Variants in CNTN5 observed in about 807,000 individuals in gnomAD.
The protein encoded by CNTN5 is contactin 5.
In CNTN5, 77 loss-of-function variants were observed where a neutral mutation model predicts 129.1. The observed-to-expected ratio is 0.60, with a 90% CI of 0.50 to 0.72. The LOEUF is 0.72. Among genes scored for constraint, CNTN5 ranks in the 30% least tolerant of loss-of-function variants. The pLI, the probability that CNTN5 is intolerant of heterozygous loss-of-function variation, is 0.00. For missense variants in CNTN5, 1,478 were observed against 1,328.8 expected (o/e 1.11, Z -1.75); for synonymous variants, 509 against 465.6 (o/e 1.09, Z -1.20).
chr11:99,085,261 GT>G (rs5793968), intron 1 of CNTN5, among the ~76,000 whole-genome samples: 30,405 of 151,782 alleles, frequency 0.2, 4,026 homozygotes, highest in East Asian at 0.42. Flanking sequence ...GCCCAGGGTG[GT>G]TCTCGAACTC....
chr11:99,912,553 C>T (rs565639259), intron 6 of CNTN5, among the ~76,000 whole-genome samples: 3 of 151,872 alleles, frequency 2.0e-5, no homozygotes, highest in Admixed American at 6.6e-5. Context: ...GTTCATTTTA[C>T]ATCTGATCAA....
chr11:99,994,879 G>A (rs1237025890), intron 8 of CNTN5, among the ~76,000 whole-genome samples: 3 of 152,112 alleles, frequency 2.0e-5, no homozygotes, highest in African/African-American at 7.2e-5. Flanking sequence ...CAAGTAGCTA[G>A]TAGAGACACC....
intron 3 of CNTN5, among the ~76,000 whole-genome samples, chr11:99,722,690 G>T (rs779376666): frequency 6.6e-6 from 1 of 151,852 alleles, no homozygotes; most frequent in Non-Finnish European, 1.5e-5. Context: ...AAAATACAAG[G>T]TACAGTCAAA....
chr11:99,971,949 A>AAAAAAAAAC (rs995003342), intron 8 of CNTN5, among the ~76,000 whole-genome samples: 2 of 147,468 alleles, frequency 1.4e-5, no homozygotes, highest in African/African-American at 2.5e-5. Context: ...AATGCTTAAG[A>AAAAAAAAAC]AAAAAAAACA....
At chr11:99,021,807 C>T (rs1591058035) in intron 1 of CNTN5, among the ~76,000 whole-genome samples, 1 of 152,114 alleles carries the variant, frequency 6.6e-6, no homozygotes, top group African/African-American at 2.4e-5. Flanking sequence ...TTGGATTATG[C>T]TGAGCTTTTT....
Position 100,193,542 on chromosome 11 carries a change from G to A in CNTN5, c.1763G>A (p.Ser588Asn), listed in dbSNP as rs1300008673. 6.2e-7 allele frequency: 1 copy of A among 1,610,704 alleles called. No homozygotes were observed. ...PKRTELTVGE[S>N]IVLNCKAIHD... ...AGAACAGAATTGACAGTGGGAGAAAGCATTGTCCTTAATTGCAAAGCAATT... is the reference window on the plus strand; with the variant it reads ...AGAACAGAATTGACAGTGGGAGAAAACATTGTCCTTAATTGCAAAGCAATT... Residue 588 changes from serine (S) to asparagine (N), a missense_variant, in exon 15 of 25, where the codon AGC becomes AAC. Physicochemically the swap from Ser to Asn is conservative, Grantham distance 46. Coordinates refer to ENST00000524871, the MANE Select transcript of CNTN5 (RefSeq NM_014361.4).
At chr11:99,626,385 T>C (rs188240876) in intron 3 of CNTN5, among the ~76,000 whole-genome samples, 4 of 152,252 alleles carry the variant, frequency 2.6e-5, no homozygotes, top group Admixed American at 1.3e-4. Flanking sequence ...TTAAAGACTG[T>C]TTTAGTGGAA....
intron 18 of CNTN5, among the ~76,000 whole-genome samples, chr11:100,283,234 G>A (rs1025262323): frequency 6.6e-6 from 1 of 152,110 alleles, no homozygotes; most frequent in African/African-American, 2.4e-5. Flanking sequence ...AGGAGCTAGG[G>A]TCTGAAAAGA....
intron 4 of CNTN5, among the ~76,000 whole-genome samples, chr11:99,843,291 C>T (rs1052798793): frequency 3.3e-5 from 5 of 152,166 alleles, no homozygotes; most frequent in African/African-American, 4.8e-5. Flanking sequence ...AGTACATGCT[C>T]ATAGTGACTG....
intron 8 of CNTN5, among the ~76,000 whole-genome samples, chr11:99,981,424 C>A (rs949771270): frequency 6.6e-6 from 1 of 152,010 alleles, no homozygotes; most frequent in Non-Finnish European, 1.5e-5. Context: ...ACATGCCTTT[C>A]CTCTGTTATT....
At chr11:99,915,996 A>C (rs1276053751) in intron 6 of CNTN5, 58 bp from the exon 7 acceptor site, 3 of 1,317,978 alleles carry the variant, frequency 2.3e-6, no homozygotes, top group East Asian at 4.8e-5. Context: ...AGTTACAATC[A>C]TAGCAATTCT....
chr11:99,092,501 TA>T (rs763641278), intron 1 of CNTN5, among the ~76,000 whole-genome samples: 1 of 151,958 alleles, frequency 6.6e-6, no homozygotes, highest in African/African-American at 2.4e-5. Context: ...ATTGCACTTA[TA>T]AAAAACTACC....
At chr11:99,046,994 G>A (rs775790121) in intron 1 of CNTN5, among the ~76,000 whole-genome samples, 81 of 151,948 alleles carry the variant, frequency 5.3e-4, no homozygotes, top group Non-Finnish European at 1.0e-3. Flanking sequence ...TCGTGTTAAA[G>A]TTTATTCATT....
At position 100,191,109 on chromosome 11, in the gene CNTN5, T is replaced by C; in HGVS notation, c.1581-17T>C. 6.4e-7 allele frequency: 1 copy of C among 1,562,652 alleles called. No homozygotes were observed. The highest frequency in any genetic ancestry group is 1.2e-5 in the South Asian group (1 of 83,960). ...GCAGTAAAACAGAAAAAAAAACTGTTTTTAAATAATTTTCAGAATAGCTAT... is the reference window on the plus strand; with the variant it reads ...GCAGTAAAACAGAAAAAAAAACTGTCTTTAAATAATTTTCAGAATAGCTAT... On this transcript the variant is annotated splice_polypyrimidine_tract_variant and intron_variant, in intron 13 of 24. Coordinates refer to ENST00000524871, the MANE Select transcript of CNTN5 (RefSeq NM_014361.4).
intron 9 of CNTN5, among the ~76,000 whole-genome samples, chr11:100,043,616 G>A (rs116052539): frequency 0.013 from 2,052 of 152,172 alleles, 21 homozygotes; most frequent in African/African-American, 0.023. Flanking sequence ...CCACTCATTT[G>A]CCTTGCTATC....
At chr11:99,153,511 T>C (rs1041602900) in intron 1 of CNTN5, among the ~76,000 whole-genome samples, 15 of 150,042 alleles carry the variant, frequency 1.0e-4, no homozygotes, top group African/African-American at 3.4e-4. Flanking sequence ...TTTCTTAAAA[T>C]AACCATTTTG....
At chr11:99,167,561 C>T (rs926677888) in intron 1 of CNTN5, among the ~76,000 whole-genome samples, 1 of 152,000 alleles carries the variant, frequency 6.6e-6, no homozygotes, top group African/African-American at 2.4e-5. Flanking sequence ...GTGATATGCT[C>T]TATTGGGAAT....
chr11:99,729,382 G>T lies in CNTN5; in HGVS notation c.56-90162G>T, dbSNP rs149725650. Among the ~76,000 whole-genome samples the T allele has an allele frequency of 4.3e-3, 655 of 152,092 alleles. 3 individuals are homozygous for T. The highest frequency in any genetic ancestry group is 0.015 in the African/African-American group (624 of 41,502). Reference sequence around the variant, plus strand: ...CTCATGTCACGGGGGTTCGTTGTACGGATTATTTCATCACCCATGCATTAA... The same window carrying T: ...CTCATGTCACGGGGGTTCGTTGTACTGATTATTTCATCACCCATGCATTAA... On this transcript the variant is annotated intron_variant, in intron 3 of 24. Coordinates refer to ENST00000524871, the MANE Select transcript of CNTN5 (RefSeq NM_014361.4).
chr11:99,493,355 C>G (rs1431862672), intron 2 of CNTN5, among the ~76,000 whole-genome samples: 1 of 152,146 alleles, frequency 6.6e-6, no homozygotes, highest in Non-Finnish European at 1.5e-5. Flanking sequence ...GTATAAAGTA[C>G]TTTTATTTGG....
Sources: allele counts gnomAD v4.1 joint callset (sites outside exome capture counted in the v4.1 genomes callset), GRCh38; gene constraint gnomAD v4.1.1; transcripts MANE v1.5; gene names NCBI Gene and HGNC (gene_info 2026-07-23, HGNC 2026-07-21).